Variants in LYPLAL1 observed in about 807,000 individuals in gnomAD.
The protein encoded by LYPLAL1 is lysophospholipase-like protein 1.
A neutral mutation model predicts 19.7 loss-of-function variants in LYPLAL1; 23 were observed. That is an observed-to-expected ratio of 1.17 (90% confidence interval 0.84 to 1.65). The LOEUF is 1.65. Among genes scored for constraint, LYPLAL1 ranks in the 40% most tolerant of loss-of-function variants. The probability of loss-of-function intolerance (pLI) is 0.00; values close to 1 mark genes in which losing one functional copy is unlikely to be tolerated. For synonymous variants in LYPLAL1, 119 were observed against 96.3 expected (o/e 1.24, Z -1.38); for missense variants, 355 against 279.4 (o/e 1.27, Z -1.93).
In LYPLAL1 at chr1:219,211,544, C is replaced by T; in HGVS notation, c.530C>T (p.Thr177Ile). The change falls in exon 5 of 5, where the codon ACT becomes ATT. Residue 177 changes from threonine to isoleucine, a missense_variant. Coordinates refer to ENST00000366928, the MANE Select transcript of LYPLAL1 (RefSeq NM_138794.5). ...CCTGAATTATTTCAGTGTCATGGTA[C>T]TGCAGATGAGTTAGTTCTTCATTCT... ...VLPELFQCHG[T>I]ADELVLHSWA... 2 of 1,613,188 alleles carry T rather than the reference C, an allele frequency of 1.2e-6. No individual in the cohort carries two copies. The highest frequency in any genetic ancestry group is 1.7e-6 in the Non-Finnish European group (2 of 1,179,380).
chr1:219,376,766 C>A, the LYPLAL1 span, among the ~76,000 whole-genome samples: 1 of 152,168 alleles, frequency 6.6e-6, no homozygotes, highest in African/African-American at 2.4e-5. Context: ...AATGAGATAT[C>A]ACTTCACGAT....
chr1:219,184,469 T>A (rs1287105641), intron 2 of LYPLAL1, among the ~76,000 whole-genome samples: 1 of 151,938 alleles, frequency 6.6e-6, no homozygotes, highest in Non-Finnish European at 1.5e-5. Flanking sequence ...TCTTGCTTTT[T>A]TGGACTTGTT....
the LYPLAL1 span, among the ~76,000 whole-genome samples, chr1:219,232,236 T>C: frequency 6.6e-6 from 1 of 152,226 alleles, no homozygotes; most frequent in Non-Finnish European, 1.5e-5. Context: ...AACTTAGCTC[T>C]TCTATAACTC....
the LYPLAL1 span, among the ~76,000 whole-genome samples, chr1:219,426,035 G>A: frequency 1.3e-5 from 2 of 152,156 alleles, no homozygotes; most frequent in South Asian, 2.1e-4. Context: ...GATCCACACG[G>A]TAGAGACTTC....
At chr1:219,344,299 A>G in the LYPLAL1 span, among the ~76,000 whole-genome samples, 3 of 152,086 alleles carry the variant, frequency 2.0e-5, no homozygotes, top group African/African-American at 4.8e-5. Flanking sequence ...AGCATTTGAC[A>G]CTGCAAACTA....
the LYPLAL1 span, among the ~76,000 whole-genome samples, chr1:219,399,993 G>A: frequency 3.7e-4 from 57 of 152,310 alleles, no homozygotes; most frequent in African/African-American, 1.4e-3. Flanking sequence ...TGGAGTGTCT[G>A]TGGTGGTCAA....
chr1:219,332,868 A>G, the LYPLAL1 span, among the ~76,000 whole-genome samples: 585 of 138,164 alleles, frequency 4.2e-3, 5 homozygotes, highest in African/African-American at 0.013. Flanking sequence ...ACCACCTATC[A>G]GAGGCTCTGG....
chr1:219,344,443 T>C, the LYPLAL1 span, among the ~76,000 whole-genome samples: 1 of 152,176 alleles, frequency 6.6e-6, no homozygotes, highest in African/African-American at 2.4e-5. Context: ...CTGGGAGTCT[T>C]CCCCCAGGAT....
At position 219,210,530 on chromosome 1, in the gene LYPLAL1, A is replaced by AG. The variant is rs1171001566; in HGVS notation, c.362dup. The AG allele has an allele frequency of 6.4e-7, 1 of 1,570,564 alleles. No individual in the cohort carries two copies. The highest frequency in any genetic ancestry group is 1.4e-5 in the African/African-American group (1 of 73,594). On this transcript the variant is annotated splice_acceptor_variant, in intron 3 of 4. Coordinates refer to ENST00000366928, the MANE Select transcript of LYPLAL1 (RefSeq NM_138794.5). LOFTEE classifies it high-confidence loss of function. ...TACTTTTAAGTATGTTTTTGTTTTTAGGAGGATTCTCTATGGGAGGATGCA... is the reference window on the plus strand; with the variant it reads ...TACTTTTAAGTATGTTTTTGTTTTTAGGGAGGATTCTCTATGGGAGGATGCA...
chr1:219,231,834 A>G, the LYPLAL1 span, among the ~76,000 whole-genome samples: 1 of 152,186 alleles, frequency 6.6e-6, no homozygotes, highest in South Asian at 2.1e-4. Flanking sequence ...ATATGTTCTC[A>G]TGAGGGTAAA....
the LYPLAL1 span, among the ~76,000 whole-genome samples, chr1:219,343,673 A>G: frequency 6.6e-6 from 1 of 152,124 alleles, no homozygotes; most frequent in Non-Finnish European, 1.5e-5. Flanking sequence ...AACTACGAAC[A>G]TTTCTCACTA....
chr1:219,401,355 G>T, the LYPLAL1 span, among the ~76,000 whole-genome samples: 1 of 93,872 alleles, frequency 1.1e-5, no homozygotes, highest in Admixed American at 1.5e-4. Flanking sequence ...TTTTTTAATT[G>T]CCACTTAACC....
chr1:219,214,409 CCTCTT>C (rs1659213278), downstream of LYPLAL1, among the ~76,000 whole-genome samples: 1 of 151,926 alleles, frequency 6.6e-6, no homozygotes, highest in Admixed American at 6.6e-5. Flanking sequence ...AGTATTTTCT[CCTCTT>C]CTGTTTTCTG....
chr1:219,313,269 T>A, the LYPLAL1 span, among the ~76,000 whole-genome samples: 1 of 152,250 alleles, frequency 6.6e-6, no homozygotes, highest in Non-Finnish European at 1.5e-5. Context: ...AACAACAAAC[T>A]ACTTAACGTC....
chr1:219,336,234 G>A, the LYPLAL1 span, among the ~76,000 whole-genome samples: 8 of 151,694 alleles, frequency 5.3e-5, no homozygotes, highest in African/African-American at 1.9e-4. Context: ...GCACAGGGAT[G>A]ATGGCTTCAA....
chr1:219,375,564 G>A, the LYPLAL1 span, among the ~76,000 whole-genome samples: 2 of 149,922 alleles, frequency 1.3e-5, no homozygotes, highest in Non-Finnish European at 3.0e-5. Context: ...AGAGAAAAGA[G>A]GATAGGTTTT....
the LYPLAL1 span, among the ~76,000 whole-genome samples, chr1:219,404,119 G>A: frequency 2.1e-4 from 32 of 151,976 alleles, no homozygotes; most frequent in Non-Finnish European, 4.1e-4. Flanking sequence ...AGAGAAGAGA[G>A]AAAAGAGAAA....
chr1:219,307,148 G>C, the LYPLAL1 span, among the ~76,000 whole-genome samples: 1 of 151,950 alleles, frequency 6.6e-6, no homozygotes, highest in Admixed American at 6.6e-5. Flanking sequence ...CTTGAGCAAT[G>C]GAAGTATGTG....
chr1:219,306,756 A>AGATAGAT, the LYPLAL1 span, among the ~76,000 whole-genome samples: 2 of 150,108 alleles, frequency 1.3e-5, no homozygotes, highest in African/African-American at 4.9e-5. Context: ...ATAGATAGAT[A>AGATAGAT]GATAGATAGA....
Sources: gnomAD v4.1 joint callset for allele counts (sites outside exome capture counted in the v4.1 genomes callset) on GRCh38, gnomAD v4.1.1 for gene constraint, MANE v1.5 for transcripts, NCBI Gene and HGNC (gene_info 2026-07-23, HGNC 2026-07-21) for gene names.